SEC14L5: variants seen among roughly 807,000 people sequenced by gnomAD.
SEC14L5 encodes SEC14 like lipid binding 5.
In SEC14L5, 96 loss-of-function variants were observed where a neutral mutation model predicts 84.6. The ratio of observed to expected loss-of-function variants is 1.13; its 90% CI spans 0.96 to 1.34. The LOEUF (loss-of-function observed/expected upper bound fraction) is 1.34. SEC14L5 is among the 40% of genes most tolerant of loss of function. The pLI, the probability that SEC14L5 is intolerant of heterozygous loss-of-function variation, is 0.00. For missense variants in SEC14L5, 1,224 were observed against 942.5 expected, an observed-to-expected ratio of 1.30 and a Z score of -3.91; for synonymous variants, 546 against 383.4, an observed-to-expected ratio of 1.42 and a Z score of -4.95.
chr16:5,019,079 T>C lies in SEC14L5; in HGVS notation c.*4109T>C, dbSNP rs1955905458. The stretch of plus-strand genomic sequence containing the variant: ...CTTTAGAGCTAGCTTGTTCAGCCTG[T>C]GGCCTGCAGGCTGCACGCGGCCCCG... On this transcript the variant is annotated 3_prime_UTR_variant, in exon 16 of 16. Coordinates refer to ENST00000251170, the MANE Select transcript of SEC14L5 (RefSeq NM_014692.2). 1 of 152,260 alleles carries C rather than the reference T, an allele frequency of 6.6e-6. No individual in the cohort carries two copies. Among genetic ancestry groups the C allele is most frequent in the African/African-American group, 2.4e-5 (1 of 41,462 alleles). 9.4% of individuals were successfully genotyped at this position (152,260 alleles called of 1,614,324 possible). A position where few individuals can be genotyped will look rare whatever the true frequency, so the allele number is the denominator to read the frequency against.
intron 7 of SEC14L5, among the ~76,000 whole-genome samples, 156 bp downstream of exon 7, chr16:4,996,616 C>A (rs557919204): frequency 5.5e-4 from 84 of 152,244 alleles, no homozygotes; most frequent in African/African-American, 1.6e-3. Context: ...CAAAGTCTCA[C>A]TCTGTCCCCC....
At chr16:4,998,750 A>T (rs1439408532) in intron 8 of SEC14L5, among the ~76,000 whole-genome samples, 6 of 93,472 alleles carry the variant, frequency 6.4e-5, no homozygotes, top group East Asian at 3.2e-4. Flanking sequence ...AAAAAAAAAA[A>T]AAAAAAAAAA....
chr16:4,996,729 G>A (rs562930288), intron 7 of SEC14L5, 126 bp from the exon 8 acceptor site: 4 of 735,580 alleles, frequency 5.4e-6, no homozygotes, highest in Admixed American at 5.8e-5. Flanking sequence ...ACACCACCAC[G>A]CCTGGCTAAT....
chr16:5,005,946 G>T lies in SEC14L5; in HGVS notation c.1335G>T (p.Arg445=). The T allele has an allele frequency of 1.9e-6, 3 of 1,610,114 alleles. No individual in the cohort carries two copies. In the South Asian group the frequency reaches 3.3e-5, roughly 18 times the overall value. ...CCTTCATCAATGAGAACACCAGGCG[G>T]AAGTTCCTCATCTACAGTGGCAGCA... ...ISPFINENTR[R]KFLIYSGSNY... is the part of the protein sequence containing the mutation. The change falls in exon 12 of 16, where the codon CGG becomes CGT. Residue 445 remains arginine, a synonymous_variant. Coordinates refer to ENST00000251170, the MANE Select transcript of SEC14L5 (RefSeq NM_014692.2).
intron 8 of SEC14L5, among the ~76,000 whole-genome samples, chr16:4,997,845 C>A (rs1404465756): frequency 6.6e-6 from 1 of 151,936 alleles, no homozygotes; most frequent in Admixed American, 6.6e-5. Context: ...CAGTCTCTGC[C>A]TCTCTCTTCA....
rs202211641 is a variant in SEC14L5 at position 5,011,314 on chromosome 16, C to G, written c.1979+41C>G. Reference sequence around the variant, plus strand: ...AGCGGGGTCCTGGGCAGGAAGGACCCTGGGGCTGATTGACAATGCAGATGC... The same window carrying G: ...AGCGGGGTCCTGGGCAGGAAGGACCGTGGGGCTGATTGACAATGCAGATGC... On this transcript the variant is annotated intron_variant, in intron 15 of 15. Transcript: ENST00000251170. 5.7e-6 allele frequency: 9 copies of G among 1,582,982 alleles called. No individual in the cohort carries two copies. The East Asian group carries it at 6.8e-5, about 12-fold the overall frequency.
At chr16:5,008,868 T>C (rs1046773072) in intron 14 of SEC14L5, among the ~76,000 whole-genome samples, 1 of 152,146 alleles carries the variant, frequency 6.6e-6, no homozygotes, top group Non-Finnish European at 1.5e-5. Context: ...CACGGGGTGC[T>C]CTGCTGAGAG....
At chr16:4,963,064 C>T (rs1025771705) in intron 2 of SEC14L5, among the ~76,000 whole-genome samples, 4 of 152,188 alleles carry the variant, frequency 2.6e-5, no homozygotes, top group African/African-American at 9.6e-5. Flanking sequence ...GCTGGCCTTT[C>T]AGTTTTTCTG....
chr16:5,014,993 G>A lies in SEC14L5; in HGVS notation c.*23G>A, dbSNP rs991679692. On this transcript the variant is annotated 3_prime_UTR_variant, in exon 16 of 16. Coordinates refer to ENST00000251170, the MANE Select transcript of SEC14L5 (RefSeq NM_014692.2). ...TAGCCGGGCCCAGTGTTTCAGGGCCGCCCGCTCGCCTCCAGTGTCCAGAAA... is the reference window on the plus strand; with the variant it reads ...TAGCCGGGCCCAGTGTTTCAGGGCCACCCGCTCGCCTCCAGTGTCCAGAAA... 2.0e-5 allele frequency: 30 copies of A among 1,533,414 alleles called. No individual in the cohort carries two copies. The highest frequency in any genetic ancestry group is 2.3e-5 in the Non-Finnish European group (26 of 1,113,916). 95.0% of individuals were successfully genotyped at this position (1,533,414 alleles called of 1,614,324 possible). A position where few individuals can be genotyped will look rare whatever the true frequency, so the allele number is the denominator to read the frequency against.
intron 2 of SEC14L5, among the ~76,000 whole-genome samples, chr16:4,961,078 C>T (rs942741079): frequency 3.3e-5 from 5 of 151,992 alleles, no homozygotes; most frequent in Non-Finnish European, 7.4e-5. Flanking sequence ...AAGACAATCC[C>T]GTGTAACACG....
At chr16:4,982,208 G>T (rs935002376) in intron 2 of SEC14L5, among the ~76,000 whole-genome samples, 6 of 151,026 alleles carry the variant, frequency 4.0e-5, no homozygotes, top group African/African-American at 1.5e-4. Context: ...TTCTTCCTCG[G>T]CCCCCCCCTC....
At chr16:4,991,797 C>T (rs1166189558) in intron 5 of SEC14L5, 41 bp from the exon 6 acceptor site, 3 of 1,446,946 alleles carry the variant, frequency 2.1e-6, no homozygotes, top group Non-Finnish European at 2.8e-6. Flanking sequence ...CCCCTCCATC[C>T]TGCCCCGTGC....
intron 2 of SEC14L5, among the ~76,000 whole-genome samples, chr16:4,963,450 AT>A (rs1451620815): frequency 6.6e-6 from 1 of 151,928 alleles, no homozygotes; most frequent in Non-Finnish European, 1.5e-5. Flanking sequence ...GGTTCAAGTG[AT>A]TCTCTTGCTT....
Position 5,014,374 on chromosome 16 carries a change from G to A in SEC14L5, c.1980-485G>A, listed in dbSNP as rs191917270. Among the ~76,000 whole-genome samples the A allele has an allele frequency of 1.3e-4, 20 of 152,318 alleles. No individual in the cohort carries two copies. In the East Asian group the frequency reaches 3.5e-3, roughly 26 times the overall value. On this transcript the variant is annotated intron_variant, in intron 15 of 15. Transcript: ENST00000251170. ...GACCAGCCTGGGCAGCATAGTGAGA[G>A]CCCCGTCTCTATACAAGAAAAGAAA... is the stretch of plus-strand genomic sequence containing the variant.
intron 2 of SEC14L5, among the ~76,000 whole-genome samples, chr16:4,977,786 TTTTTA>T (rs1955364760): frequency 1.3e-5 from 2 of 151,872 alleles, no homozygotes; most frequent in East Asian, 3.9e-4. Flanking sequence ...TCAGCCAGTG[TTTTTA>T]TTTTATTTAT....
chr16:4,967,161 C>G (rs1955210786), intron 2 of SEC14L5, among the ~76,000 whole-genome samples: 1 of 152,176 alleles, frequency 6.6e-6, no homozygotes, highest in Non-Finnish European at 1.5e-5. Context: ...AGGCCAGAAG[C>G]CTGAATTCAA....
At chr16:4,973,347 C>T (rs940973069) in intron 2 of SEC14L5, among the ~76,000 whole-genome samples, 3 of 140,996 alleles carry the variant, frequency 2.1e-5, no homozygotes, top group African/African-American at 7.7e-5. Context: ...TTTTCAGCTC[C>T]AGGGCCATCT....
intron 15 of SEC14L5, among the ~76,000 whole-genome samples, chr16:5,014,127 A>G (rs572379738): frequency 1.3e-5 from 2 of 152,350 alleles, no homozygotes; most frequent in African/African-American, 4.8e-5. Context: ...TTAACTTAGC[A>G]AGGAGAATGA....
At chr16:4,995,203 C>T (rs1004570733) in intron 6 of SEC14L5, among the ~76,000 whole-genome samples, 8 of 152,212 alleles carry the variant, frequency 5.3e-5, no homozygotes, top group East Asian at 3.8e-4. Flanking sequence ...GCTCTGCCCA[C>T]GGAGGCTGCT....
Sources: allele counts gnomAD v4.1 joint callset (sites outside exome capture counted in the v4.1 genomes callset), GRCh38; gene constraint gnomAD v4.1.1; transcripts MANE v1.5; gene names NCBI Gene and HGNC (gene_info 2026-07-23, HGNC 2026-07-21).